Variants in RBM25 observed in about 807,000 individuals in gnomAD.
RBM25 encodes the protein RNA-binding protein 25.
A neutral mutation model predicts 120.7 loss-of-function variants in RBM25; 19 were observed. The observed-to-expected ratio is 0.16, with a 90% CI of 0.11 to 0.23. The LOEUF (loss-of-function observed/expected upper bound fraction) is 0.23, where lower values mean the gene tolerates loss of function less well. Among genes scored for constraint, RBM25 ranks in the 10% least tolerant of loss-of-function variants. The pLI is 1.00. For synonymous variants in RBM25, 390 were observed against 326.7 expected (o/e 1.19, Z -2.09); for missense variants, 605 against 1,041.5 (o/e 0.58, Z 5.77).
At chr14:73,112,618 G>A (rs1283720720) in intron 17 of RBM25, among the ~76,000 whole-genome samples, 1 of 152,004 alleles carries the variant, frequency 6.6e-6, no homozygotes, top group African/African-American at 2.4e-5. Flanking sequence ...TAATTATGTT[G>A]AGATTTTTTG....
chr14:73,085,771 G>A (rs1032232186), intron 5 of RBM25, among the ~76,000 whole-genome samples: 5 of 152,128 alleles, frequency 3.3e-5, no homozygotes, highest in Admixed American at 2.6e-4. Flanking sequence ...ATACAGAATA[G>A]GCAGGATAGA....
chr14:73,063,814 A>G (rs1895063154), intron 1 of RBM25, among the ~76,000 whole-genome samples: 1 of 151,438 alleles, frequency 6.6e-6, no homozygotes, highest in South Asian at 2.1e-4. Context: ...AAACTCTTCA[A>G]ATGATTTTCA....
chr14:73,099,437 A>T lies in RBM25; in HGVS notation c.783+4A>T. Reference sequence around the variant, plus strand: ...CCCTTATCCACTCATCACTAAGGTTAGTTTAAATTGTAGGCTTTGACAATA... The same window carrying T: ...CCCTTATCCACTCATCACTAAGGTTTGTTTAAATTGTAGGCTTTGACAATA... On this transcript the variant is annotated splice_donor_region_variant and intron_variant, in intron 8 of 18. Transcript: ENST00000261973. The T allele has an allele frequency of 6.2e-7, 1 of 1,609,202 alleles. No homozygotes were observed. The highest frequency in any genetic ancestry group is 8.5e-7 in the Non-Finnish European group (1 of 1,178,444).
At chr14:73,078,797 T>A (rs1895486532) in intron 4 of RBM25, among the ~76,000 whole-genome samples, 1 of 151,970 alleles carries the variant, frequency 6.6e-6, no homozygotes, top group African/African-American at 2.4e-5. Flanking sequence ...AGAGACAAGG[T>A]TTCATCATGT....
Position 73,099,651 on chromosome 14 carries a change from G to A in RBM25, c.784-16G>A. 1.9e-6 allele frequency: 3 copies of A among 1,591,650 alleles called. No individual in the cohort carries two copies. Among genetic ancestry groups the A allele is most frequent in the Non-Finnish European group, 2.6e-6 (3 of 1,174,562 alleles). The stretch of plus-strand genomic sequence containing the variant: ...GTGTTCTTTATTCATTCCCTCCTGT[G>A]CCCGTTTTCTTTTAGGAGGATATAA... On this transcript the variant is annotated splice_polypyrimidine_tract_variant and intron_variant, in intron 8 of 18. Coordinates refer to ENST00000261973, the MANE Select transcript of RBM25 (RefSeq NM_021239.3).
chr14:73,088,446 A>C (rs1895738843), intron 6 of RBM25: 2 of 534,906 alleles, frequency 3.7e-6, no homozygotes, highest in East Asian at 9.3e-5. Context: ...TATTCCAAAC[A>C]GAGCTAATTC....
intron 10 of RBM25, among the ~76,000 whole-genome samples, chr14:73,104,251 T>C (rs551952636): frequency 1.2e-3 from 184 of 152,244 alleles, no homozygotes; most frequent in African/African-American, 4.3e-3. Context: ...TGTAGCCCAC[T>C]GCACTGCCAT....
intron 7 of RBM25, among the ~76,000 whole-genome samples, chr14:73,097,826 C>T (rs919676048): frequency 2.0e-5 from 3 of 152,214 alleles, no homozygotes; most frequent in Non-Finnish European, 2.9e-5. Context: ...AGCAGTACAA[C>T]TTGAAACATT....
intron 6 of RBM25, among the ~76,000 whole-genome samples, chr14:73,096,262 C>T (rs1449604230): frequency 6.6e-6 from 1 of 152,136 alleles, no homozygotes; most frequent in East Asian, 1.9e-4. Context: ...CAGGAGTGAG[C>T]CACTGCGCCT....
chr14:73,094,812 T>A (rs1336516465), intron 6 of RBM25, among the ~76,000 whole-genome samples: 1 of 2,892 alleles, frequency 3.5e-4, no homozygotes, highest in African/African-American at 1.1e-3. Flanking sequence ...AGGAGCGAGG[T>A]GTGTGTGTGT....
Position 73,083,384 on chromosome 14 carries a change from T to G in RBM25, c.325-110T>G, listed in dbSNP as rs10137423. The G allele has an allele frequency of 3.8e-3, 3,334 of 878,816 alleles. 90 individuals are homozygous for G. In the African/African-American group the frequency reaches 0.052, roughly 14 times the overall value. The allele number at this position is 878,816 out of a possible 1,614,324, so 54.4% of individuals were successfully genotyped here. A position where few individuals can be genotyped will look rare whatever the true frequency, so the allele number is the denominator to read the frequency against. ...AATTTTCGCAAATGTAGTTGCTGGTTTTTTATTTTATGTTTTTTATCCCTA... is the reference window on the plus strand; with the variant it reads ...AATTTTCGCAAATGTAGTTGCTGGTGTTTTATTTTATGTTTTTTATCCCTA... On this transcript the variant is annotated intron_variant, in intron 4 of 18. Coordinates refer to ENST00000261973, the MANE Select transcript of RBM25 (RefSeq NM_021239.3).
At chr14:73,118,301 C>A (rs1032621147) in intron 18 of RBM25, among the ~76,000 whole-genome samples, 2 of 151,920 alleles carry the variant, frequency 1.3e-5, no homozygotes, top group Non-Finnish European at 2.9e-5. Context: ...CATAGTGAGA[C>A]CCTGTCTCTA....
rs1465733817 is a variant in RBM25, at chr14:73,122,273, T to C, written c.*2468T>C. On this transcript the variant is annotated 3_prime_UTR_variant, in exon 19 of 19. Coordinates refer to ENST00000261973, the MANE Select transcript of RBM25 (RefSeq NM_021239.3). Reference sequence around the variant, plus strand: ...CATGAAAGTCTTTTTTTGTTGTTTTTTTGGGGTTTTTTTTTTTTTGAGAGG... The same window carrying C: ...CATGAAAGTCTTTTTTTGTTGTTTTCTTGGGGTTTTTTTTTTTTTGAGAGG... The C allele has an allele frequency of 6.7e-6, 1 of 148,902 alleles. No individual in the cohort carries two copies. Among genetic ancestry groups the C allele is most frequent in the Non-Finnish European group, 1.5e-5 (1 of 67,598 alleles). 9.2% of individuals were successfully genotyped at this position (148,902 alleles called of 1,614,324 possible).
At chr14:73,116,497 T>TA (rs1896430628) in intron 18 of RBM25, among the ~76,000 whole-genome samples, 1 of 152,210 alleles carries the variant, frequency 6.6e-6, no homozygotes. Flanking sequence ...CTAGCTAGCT[T>TA]GATGCAGCTG....
intron 6 of RBM25, among the ~76,000 whole-genome samples, chr14:73,090,360 A>G (rs116479348): frequency 0.023 from 3,448 of 152,224 alleles, 135 homozygotes; most frequent in African/African-American, 0.076. Flanking sequence ...CATAAAGTCC[A>G]TATTTTTAGG....
At position 73,122,973 on chromosome 14, in the gene RBM25, AC is replaced by A. The variant is rs1215299092; in HGVS notation, c.*3169del. Reference sequence around the variant, plus strand: ...GAGAAAAACATTTTTTGAGGCAAATACACGTAACTCATGAACGTAATGTAAT... The same window carrying A: ...GAGAAAAACATTTTTTGAGGCAAATAACGTAACTCATGAACGTAATGTAAT... On this transcript the variant is annotated 3_prime_UTR_variant, in exon 19 of 19. Coordinates refer to ENST00000261973, the MANE Select transcript of RBM25 (RefSeq NM_021239.3). 6.6e-6 allele frequency: 1 copy of A among 152,238 alleles called. No homozygotes were observed. Among genetic ancestry groups the A allele is most frequent in the Non-Finnish European group, 1.5e-5 (1 of 68,046 alleles). The allele number at this position is 152,238 out of a possible 1,614,324, so 9.4% of individuals were successfully genotyped here. A position where few individuals can be genotyped will look rare whatever the true frequency, so the allele number is the denominator to read the frequency against.
chr14:73,061,479 TC>T (rs1895005435), intron 1 of RBM25, among the ~76,000 whole-genome samples: 6 of 151,452 alleles, frequency 4.0e-5, no homozygotes, highest in African/African-American at 1.2e-4. Context: ...CCAAAAGGAT[TC>T]CTTCTGTCTG....
Position 73,090,628 on chromosome 14 carries a change from T to C in RBM25, c.543+2467T>C, listed in dbSNP as rs1895792606. On this transcript the variant is annotated intron_variant, in intron 6 of 18. Coordinates refer to ENST00000261973, the MANE Select transcript of RBM25 (RefSeq NM_021239.3). ...CTCTGTTCCCATATAAAGCAGATCTTTATAGCTGTTTTAGTAGATATTGTT... is the reference window on the plus strand; with the variant it reads ...CTCTGTTCCCATATAAAGCAGATCTCTATAGCTGTTTTAGTAGATATTGTT... Among the ~76,000 whole-genome samples the C allele has an allele frequency of 2.0e-5, 3 of 152,214 alleles. No individual in the cohort carries two copies. The South Asian group carries it at 6.2e-4, about 31-fold the overall frequency.
chr14:73,088,883 G>C (rs1316345559), intron 6 of RBM25, among the ~76,000 whole-genome samples: 1 of 152,220 alleles, frequency 6.6e-6, no homozygotes, highest in Non-Finnish European at 1.5e-5. Flanking sequence ...GCTCACGCCT[G>C]TAATCCCAGA....
Sources: allele counts gnomAD v4.1 joint callset (sites outside exome capture counted in the v4.1 genomes callset), GRCh38; gene constraint gnomAD v4.1.1; transcripts MANE v1.5; gene names NCBI Gene and HGNC (gene_info 2026-07-23, HGNC 2026-07-21).